Variants in MEGF9 observed in about 807,000 individuals in gnomAD.
MEGF9 encodes multiple EGF like domains 9, also known as multiple epidermal growth factor-like domains protein 9.
MEGF9 carries 6 observed loss-of-function variants against 46.8 expected under a neutral mutation model. That is an observed-to-expected ratio of 0.13 (90% CI 0.07 to 0.25). The LOEUF is 0.25. MEGF9 is among the 10% of genes least tolerant of loss of function. MEGF9 has a pLI of 1.00. For missense variants in MEGF9, 683 were observed against 792.4 expected, an observed-to-expected ratio of 0.86 and a Z score of 1.66; for synonymous variants, 302 against 330.7, an observed-to-expected ratio of 0.91 and a Z score of 0.94.
At position 120,714,313 on chromosome 9, in the gene MEGF9, C is replaced by CCAGGCTCGG; in HGVS notation, c.37_45dup (p.Pro13_Leu15dup). 1 of 1,344,474 alleles carries CCAGGCTCGG rather than the reference C, an allele frequency of 7.4e-7. No individual in the cohort carries two copies. The highest frequency in any genetic ancestry group is 9.6e-7 in the Non-Finnish European group (1 of 1,047,110). 83.3% of individuals were successfully genotyped at this position (1,344,474 alleles called of 1,614,324 possible). A position where few individuals can be genotyped will look rare whatever the true frequency, so the allele number is the denominator to read the frequency against. On this transcript the variant is annotated inframe_insertion, in exon 1 of 6. Coordinates refer to ENST00000373930, the MANE Select transcript of MEGF9 (RefSeq NM_001080497.3). ...GCGCAGCACAACAGGGCGAGGCCGC[C>CCAGGCTCGG]CAGGCTCGGCAGGCTCCTCATGGCG...
At chr9:120,706,357 A>T (rs1018073423) in intron 1 of MEGF9, among the ~76,000 whole-genome samples, 2 of 152,144 alleles carry the variant, frequency 1.3e-5, no homozygotes, top group African/African-American at 4.8e-5. Flanking sequence ...AACTAATCAG[A>T]CTAAGGAATT....
chr9:120,705,413 A>T (rs1246195004), intron 1 of MEGF9, among the ~76,000 whole-genome samples: 1 of 152,008 alleles, frequency 6.6e-6, no homozygotes, highest in Non-Finnish European at 1.5e-5. Flanking sequence ...TGTTAAACAG[A>T]GAGGGTAATT....
chr9:120,685,250 C>A (rs999238229), intron 1 of MEGF9, among the ~76,000 whole-genome samples: 8 of 152,208 alleles, frequency 5.3e-5, no homozygotes, highest in Non-Finnish European at 8.8e-5. Flanking sequence ...ATACTCCTAA[C>A]CTGCTCATCA....
chr9:120,634,100 C>G (rs188415519), intron 2 of MEGF9, among the ~76,000 whole-genome samples: 2 of 152,258 alleles, frequency 1.3e-5, no homozygotes, highest in African/African-American at 4.8e-5. Flanking sequence ...TCTGTTAGGT[C>G]CATTTGGTCT....
At chr9:120,694,363 T>C (rs1424782233) in intron 1 of MEGF9, among the ~76,000 whole-genome samples, 2 of 152,192 alleles carry the variant, frequency 1.3e-5, no homozygotes, top group Non-Finnish European at 2.9e-5. Flanking sequence ...ATTGAGAGGA[T>C]TAGAGGTAAT....
intron 1 of MEGF9, among the ~76,000 whole-genome samples, chr9:120,684,025 G>T (rs915947511): frequency 1.3e-5 from 2 of 152,092 alleles, no homozygotes; most frequent in South Asian, 4.1e-4. Context: ...ACCATAGAGG[G>T]TATAAAATAA....
chr9:120,706,820 G>A (rs1189784588), intron 1 of MEGF9, among the ~76,000 whole-genome samples: 2 of 152,180 alleles, frequency 1.3e-5, no homozygotes, highest in Non-Finnish European at 2.9e-5. Flanking sequence ...GGGACACAGA[G>A]TGAGACCCTG....
At chr9:120,637,481 C>A (rs145458861) in intron 2 of MEGF9, among the ~76,000 whole-genome samples, 1 of 148,286 alleles carries the variant, frequency 6.7e-6, no homozygotes, top group Non-Finnish European at 1.5e-5. Context: ...AGTATGTATT[C>A]TGCTTTAAAA....
intron 2 of MEGF9, among the ~76,000 whole-genome samples, chr9:120,654,612 G>A (rs762079472): frequency 6.6e-6 from 1 of 152,110 alleles, no homozygotes; most frequent in Non-Finnish European, 1.5e-5. Flanking sequence ...TGACTTACTG[G>A]TTCATGTATT....
chr9:120,704,050 G>C (rs7044226), intron 1 of MEGF9, among the ~76,000 whole-genome samples: 99,486 of 151,758 alleles, frequency 0.66, 33,181 homozygotes, highest in South Asian at 0.75. Flanking sequence ...AAATGAAATT[G>C]AGGTTGGGCG....
At chr9:120,675,294 G>A (rs976206560) in intron 1 of MEGF9, among the ~76,000 whole-genome samples, 2 of 152,158 alleles carry the variant, frequency 1.3e-5, no homozygotes, top group Non-Finnish European at 2.9e-5. Context: ...TCTATTAAGT[G>A]GACCTAGTCT....
At chr9:120,637,016 G>A (rs955095791) in intron 2 of MEGF9, among the ~76,000 whole-genome samples, 6 of 152,366 alleles carry the variant, frequency 3.9e-5, no homozygotes, top group African/African-American at 1.2e-4. Context: ...GGGGAAAAGA[G>A]AGATCAGATT....
intron 2 of MEGF9, among the ~76,000 whole-genome samples, chr9:120,636,203 G>T (rs1301649111): frequency 1.3e-5 from 2 of 152,206 alleles, no homozygotes; most frequent in Non-Finnish European, 2.9e-5. Context: ...CTCCCAAAGT[G>T]CTGGGATTAC....
intron 2 of MEGF9, among the ~76,000 whole-genome samples, chr9:120,627,012 G>C (rs1187333747): frequency 6.6e-6 from 1 of 152,070 alleles, no homozygotes; most frequent in African/African-American, 2.4e-5. Context: ...CAAAGACAGG[G>C]AAGACTAAGT....
At chr9:120,696,080 G>C (rs1204555198) in intron 1 of MEGF9, among the ~76,000 whole-genome samples, 1 of 152,222 alleles carries the variant, frequency 6.6e-6, no homozygotes, top group African/African-American at 2.4e-5. Flanking sequence ...AAGGTTAGCA[G>C]TGTGAGTGGT....
At chr9:120,668,291 CA>C (rs2043734246) in intron 1 of MEGF9, among the ~76,000 whole-genome samples, 1 of 152,130 alleles carries the variant, frequency 6.6e-6, no homozygotes, top group African/African-American at 2.4e-5. Context: ...GGTATTGCCA[CA>C]AATCTTTGAA....
chr9:120,639,714 C>T (rs947385962), intron 2 of MEGF9, among the ~76,000 whole-genome samples: 2 of 152,014 alleles, frequency 1.3e-5, no homozygotes, highest in Non-Finnish European at 2.9e-5. Flanking sequence ...TAGAACAGTG[C>T]CTGACTCAGA....
chr9:120,624,496 A>G (rs1018161166), intron 2 of MEGF9, among the ~76,000 whole-genome samples: 1 of 152,096 alleles, frequency 6.6e-6, no homozygotes, highest in African/African-American at 2.4e-5. Context: ...CGAAAGTGCT[A>G]GCATTACAGG....
chr9:120,677,167 C>T (rs775095274), intron 1 of MEGF9, among the ~76,000 whole-genome samples: 3 of 151,942 alleles, frequency 2.0e-5, no homozygotes, highest in Non-Finnish European at 4.4e-5. Context: ...CTCCCTCGGT[C>T]GCCCAGGATG....
Sources: allele counts gnomAD v4.1 joint callset (sites outside exome capture counted in the v4.1 genomes callset), GRCh38; gene constraint gnomAD v4.1.1; transcripts MANE v1.5; gene names NCBI Gene and HGNC (gene_info 2026-07-23, HGNC 2026-07-21).